ST6GAL1: variants seen among roughly 807,000 people sequenced by gnomAD.
ST6GAL1 encodes the protein beta-galactoside alpha-2,6-sialyltransferase 1.
A neutral mutation model predicts 38.0 loss-of-function variants in ST6GAL1; 20 were observed. The ratio of observed to expected loss-of-function variants is 0.53; its 90% CI spans 0.37 to 0.77. ST6GAL1 has a LOEUF of 0.77. Ranked by LOEUF, ST6GAL1 falls within the 30% of genes least tolerant of loss-of-function variation. The pLI, the probability that ST6GAL1 is intolerant of heterozygous loss-of-function variation, is 0.00. For missense variants in ST6GAL1, 432 were observed against 496.4 expected, an observed-to-expected ratio of 0.87 and a Z score of 1.23; for synonymous variants, 196 against 188.2, an observed-to-expected ratio of 1.04 and a Z score of -0.34.
chr3:186,976,466 G>T (rs1715524474), intron 2 of ST6GAL1, among the ~76,000 whole-genome samples: 1 of 151,584 alleles, frequency 6.6e-6, no homozygotes, highest in Non-Finnish European at 1.5e-5. Context: ...GTCTTGCTCT[G>T]TTGCCTAGGC....
intron 5 of ST6GAL1, among the ~76,000 whole-genome samples, chr3:187,056,150 A>G (rs1377085618): frequency 1.3e-5 from 2 of 151,474 alleles, no homozygotes; most frequent in Non-Finnish European, 2.9e-5. Flanking sequence ...TTTGCTTTCC[A>G]TTTGCTTGGT....
chr3:186,959,517 A>C (rs1023987441), intron 1 of ST6GAL1, among the ~76,000 whole-genome samples: 1 of 151,436 alleles, frequency 6.6e-6, no homozygotes, highest in East Asian at 1.9e-4. Context: ...AGTTGCTAAC[A>C]AAAAAAAATT....
rs538570530 is a variant in ST6GAL1, at chr3:187,018,019, C to T, written c.-182-20723C>T. On this transcript the variant is annotated intron_variant, in intron 2 of 7. Transcript: ENST00000169298. Reference sequence around the variant, plus strand: ...TTTGCAACTTAGCATGTGAGAATTCCGGGCAGCCTGATTCCTTGCCCATCT... The same window carrying T: ...TTTGCAACTTAGCATGTGAGAATTCTGGGCAGCCTGATTCCTTGCCCATCT... Among the ~76,000 whole-genome samples, 57 of 152,156 alleles carry T rather than the reference C, an allele frequency of 3.7e-4. 1 individual carries two copies. Among genetic ancestry groups the T allele is most frequent in the Middle Eastern group, 6.8e-3 (2 of 294 alleles).
intron 2 of ST6GAL1, among the ~76,000 whole-genome samples, chr3:187,036,671 T>C (rs192094652): frequency 1.2e-4 from 18 of 152,324 alleles, no homozygotes; most frequent in African/African-American, 4.3e-4. Context: ...AAATGCCATA[T>C]GTTGTCACTT....
intron 2 of ST6GAL1, among the ~76,000 whole-genome samples, chr3:187,001,298 G>T (rs1268495578): frequency 6.6e-6 from 1 of 152,170 alleles, no homozygotes; most frequent in African/African-American, 2.4e-5. Context: ...TGAATCAGAG[G>T]GATGTGTGAC....
intron 1 of ST6GAL1, 54 bp from the exon 2 acceptor site, chr3:186,963,731 C>T (rs142153963): frequency 2.0e-5 from 3 of 152,376 alleles, no homozygotes; most frequent in Admixed American, 6.5e-5. Context: ...AATGTATTAA[C>T]GTATGTGCTT....
At position 187,075,786 on chromosome 3, in the gene ST6GAL1, C is replaced by G. The variant is rs769388229; in HGVS notation, c.1204C>G (p.Arg402Gly). The change falls in exon 8 of 8, where the codon CGG becomes GGG. Residue 402 changes from arginine (R) to glycine (G), a missense_variant. Arg to Gly is a moderately radical substitution (Grantham distance 125, BLOSUM62 -2). Coordinates refer to ENST00000169298, the MANE Select transcript of ST6GAL1 (RefSeq NM_173216.2). This position sits in a 1 kb window ranked among gnomAD's most constrained non-coding sequence, Gnocchi z 4.1. Reference sequence around the variant, plus strand: ...TGGAAAAGCCACACTGCCTGGCTTCCGGACCATTCACTGCTAAGCACAGGC... The same window carrying G: ...TGGAAAAGCCACACTGCCTGGCTTCGGGACCATTCACTGCTAAGCACAGGC... ...LLGKATLPGF[R>G]TIHC The G allele has an allele frequency of 2.5e-6, 4 of 1,614,194 alleles. No individual in the cohort carries two copies. Among genetic ancestry groups the G allele is most frequent in the Non-Finnish European group, 3.4e-6 (4 of 1,180,022 alleles).
intron 6 of ST6GAL1, 72 bp from the exon 7 acceptor site, chr3:187,074,085 ATG>A: frequency 7.3e-7 from 1 of 1,362,964 alleles, no homozygotes; most frequent in Non-Finnish European, 9.9e-7. Context: ...ATGTCCACTG[ATG>A]AAGATGACTC....
chr3:186,997,125 A>T (rs1425427332), intron 2 of ST6GAL1, among the ~76,000 whole-genome samples: 1 of 152,140 alleles, frequency 6.6e-6, no homozygotes, highest in African/African-American at 2.4e-5. Flanking sequence ...ATAATATAAT[A>T]TGGGAGGCAT....
chr3:187,007,938 A>C (rs1716834421), intron 2 of ST6GAL1, among the ~76,000 whole-genome samples: 1 of 152,186 alleles, frequency 6.6e-6, no homozygotes, highest in Non-Finnish European at 1.5e-5. Flanking sequence ...GTGAACCTGA[A>C]GGTAGATCAA....
Position 186,952,963 on chromosome 3 carries a change from T to C in ST6GAL1, c.-324-10822T>C, listed in dbSNP as rs1315581953. Among the ~76,000 whole-genome samples, 1 of 152,230 alleles carries C rather than the reference T, an allele frequency of 6.6e-6. No individual in the cohort carries two copies. On this transcript the variant is annotated intron_variant, in intron 1 of 7. Transcript: ENST00000169298. The surrounding 1 kb of genome is among the most constrained non-coding windows in gnomAD (Gnocchi z 4.1). ...GGAGTCATTCTAAATTCTCTTTCTC[T>C]CATGCTGCACCCACTCTGTTAGCAA...
At chr3:187,003,750 G>A (rs993525016) in intron 2 of ST6GAL1, among the ~76,000 whole-genome samples, 1 of 152,226 alleles carries the variant, frequency 6.6e-6, no homozygotes, top group African/African-American at 2.4e-5. Context: ...TCAGACAGCA[G>A]TGAAGTTTAG....
chr3:187,005,269 C>CTTTTTT (rs58085172), intron 2 of ST6GAL1, among the ~76,000 whole-genome samples: 264 of 103,894 alleles, frequency 2.5e-3, no homozygotes, highest in Non-Finnish European at 3.9e-3. Flanking sequence ...TTTTCTTTTT[C>CTTTTTT]TTTTTTTTTT....
intron 2 of ST6GAL1, among the ~76,000 whole-genome samples, chr3:187,029,938 A>G (rs539011988): frequency 6.6e-6 from 1 of 152,204 alleles, no homozygotes; most frequent in East Asian, 1.9e-4. Flanking sequence ...AATAGGCTGC[A>G]TATAGACAGG....
Position 187,075,846 on chromosome 3 carries a change from G to T in ST6GAL1, c.*43G>T, listed in dbSNP as rs764091061. On this transcript the variant is annotated 3_prime_UTR_variant, in exon 8 of 8. Coordinates refer to ENST00000169298, the MANE Select transcript of ST6GAL1 (RefSeq NM_173216.2). The surrounding 1 kb of genome is among the most constrained non-coding windows in gnomAD (Gnocchi z 4.1). ...TTCTCCATCAGGCATTAAATGAATGGTCTCTTGGCCACCCCAGCCTGGGAA... is the reference window on the plus strand; with the variant it reads ...TTCTCCATCAGGCATTAAATGAATGTTCTCTTGGCCACCCCAGCCTGGGAA... 3 of 1,606,976 alleles carry T rather than the reference G, an allele frequency of 1.9e-6. No individual in the cohort carries two copies. The East Asian group carries it at 6.7e-5, about 36-fold the overall frequency.
At chr3:187,004,307 T>A (rs766419018) in intron 2 of ST6GAL1, among the ~76,000 whole-genome samples, 2 of 152,236 alleles carry the variant, frequency 1.3e-5, no homozygotes, top group Non-Finnish European at 2.9e-5. Flanking sequence ...CAGGTATTTA[T>A]AGCAATGGAA....
intron 2 of ST6GAL1, among the ~76,000 whole-genome samples, chr3:186,988,927 A>AAAACC (rs774686664): frequency 2.3e-3 from 348 of 152,278 alleles, no homozygotes; most frequent in Non-Finnish European, 3.4e-3. Context: ...GTCAAAACAA[A>AAAACC]AAACCAAACC....
At chr3:186,946,791 C>A (rs1714385786) in intron 1 of ST6GAL1, among the ~76,000 whole-genome samples, 1 of 152,092 alleles carries the variant, frequency 6.6e-6, no homozygotes, top group Non-Finnish European at 1.5e-5. Context: ...TGAAAGGCAC[C>A]ATTAAAAACT....
chr3:187,048,880 A>ATTTTTTTTTTTTT lies in ST6GAL1; in HGVS notation c.608-2353_608-2341dup, dbSNP rs374148828. Among the ~76,000 whole-genome samples, 19 of 115,448 alleles carry ATTTTTTTTTTTTT rather than the reference A, an allele frequency of 1.6e-4. 1 individual carries two copies. The highest frequency in any genetic ancestry group is 6.4e-4 in the African/African-American group (17 of 26,574). The allele number at this position is 115,448 out of a possible 152,430, so 75.7% of individuals were successfully genotyped here. A position where few individuals can be genotyped will look rare whatever the true frequency, so the allele number is the denominator to read the frequency against. ...TCTGGCTCTGTCCCTGAGAAATTGA[A>ATTTTTTTTTTTTT]TTTTTTTTTTTTTTTTTTTTTTTTT... On this transcript the variant is annotated intron_variant, in intron 4 of 7. Coordinates refer to ENST00000169298, the MANE Select transcript of ST6GAL1 (RefSeq NM_173216.2).
Sources: allele counts gnomAD v4.1 joint callset (sites outside exome capture counted in the v4.1 genomes callset), GRCh38; gene constraint gnomAD v4.1.1; non-coding constraint Gnocchi (gnomAD v3.1); transcripts MANE v1.5; gene names NCBI Gene and HGNC (gene_info 2026-07-23, HGNC 2026-07-21).